JAKMIP1: variants seen among roughly 807,000 people sequenced by gnomAD.
JAKMIP1 encodes the protein janus kinase and microtubule interacting protein 1.
A neutral mutation model predicts 113.0 loss-of-function variants in JAKMIP1; 33 were observed. The observed-to-expected ratio is 0.29, with a 90% CI of 0.22 to 0.39. The LOEUF (loss-of-function observed/expected upper bound fraction) is 0.39. Ranked by LOEUF, JAKMIP1 falls within the 10% of genes least tolerant of loss-of-function variation. The pLI, the probability that JAKMIP1 is intolerant of heterozygous loss-of-function variation, is 1.00. For missense variants in JAKMIP1, 813 were observed against 1,080.5 expected (o/e 0.75, Z 3.47); for synonymous variants, 480 against 459.9 (o/e 1.04, Z -0.56).
intron 1 of JAKMIP1, among the ~76,000 whole-genome samples, chr4:6,171,454 C>T (rs1724702549): frequency 6.6e-6 from 1 of 152,170 alleles, no homozygotes; most frequent in Non-Finnish European, 1.5e-5. Context: ...TCACCATCAC[C>T]ACCACCATTA....
rs1722281113 is a variant in JAKMIP1 at position 6,156,758 on chromosome 4, T to C, written c.-148+43495A>G. The stretch of plus-strand genomic sequence containing the variant: ...AGTTCTGGGCTAGACCTTGGTTACA[T>C]CCCAGCTCCACTGTCCCCAGATGTC... On this transcript the variant is annotated intron_variant, in intron 1 of 20. Coordinates refer to ENST00000409021, the MANE Select transcript of JAKMIP1 (RefSeq NM_001099433.2). The surrounding 1 kb of genome is among the most constrained non-coding windows in gnomAD (Gnocchi z 5.0). Among the ~76,000 whole-genome samples the C allele has an allele frequency of 6.6e-6, 1 of 152,228 alleles. No homozygotes were observed. The highest frequency in any genetic ancestry group is 2.1e-4 in the South Asian group (1 of 4,830).
In JAKMIP1 at chr4:6,150,806, C is replaced by G. The variant is rs1007070809; in HGVS notation, c.-147-37809G>C. On this transcript the variant is annotated intron_variant, in intron 1 of 20. Coordinates refer to ENST00000409021, the MANE Select transcript of JAKMIP1 (RefSeq NM_001099433.2). The surrounding 1 kb of genome is among the most constrained non-coding windows in gnomAD (Gnocchi z 4.8). Reference sequence around the variant, plus strand: ...AAGAAGAAAACAGGCAAGAAATTTCCGCATCCCAGCTTCAAGCTCCTCCAC... The same window carrying G: ...AAGAAGAAAACAGGCAAGAAATTTCGGCATCCCAGCTTCAAGCTCCTCCAC... Among the ~76,000 whole-genome samples the G allele has an allele frequency of 6.6e-6, 1 of 152,154 alleles. No homozygotes were observed. The highest frequency in any genetic ancestry group is 1.5e-5 in the Non-Finnish European group (1 of 68,020).
intron 1 of JAKMIP1, among the ~76,000 whole-genome samples, chr4:6,124,131 C>A (rs540778300): frequency 7.9e-5 from 12 of 152,322 alleles, no homozygotes; most frequent in African/African-American, 2.9e-4. Context: ...CCTGGCCCGG[C>A]TGTGTTCTCT....
intron 1 of JAKMIP1, among the ~76,000 whole-genome samples, chr4:6,174,539 A>C (rs1725109601): frequency 6.6e-6 from 1 of 152,126 alleles, no homozygotes; most frequent in Admixed American, 6.5e-5. Flanking sequence ...CATGCACCAG[A>C]GCGAACCAGG....
intron 1 of JAKMIP1, among the ~76,000 whole-genome samples, chr4:6,177,312 T>C (rs888591740): frequency 6.6e-6 from 1 of 152,032 alleles, no homozygotes; most frequent in African/African-American, 2.4e-5. Context: ...CCAGGGAGGG[T>C]GGGGCTAATC....
chr4:6,116,658 T>C lies in JAKMIP1; in HGVS notation c.-147-3661A>G, dbSNP rs1245325311. The stretch of plus-strand genomic sequence containing the variant: ...GTCCCCTGTCCCAGCCTCCAAGTCG[T>C]TTGTCTGTGCCTTGGCAGTGCCGGT... On this transcript the variant is annotated intron_variant, in intron 1 of 20. Transcript: ENST00000409021. The surrounding 1 kb of genome is among the most constrained non-coding windows in gnomAD (Gnocchi z 5.1). Among the ~76,000 whole-genome samples the C allele has an allele frequency of 6.6e-6, 1 of 152,222 alleles. No individual in the cohort carries two copies. The highest frequency in any genetic ancestry group is 1.5e-5 in the Non-Finnish European group (1 of 68,038).
chr4:6,116,286 A>G lies in JAKMIP1; in HGVS notation c.-147-3289T>C, dbSNP rs1434644234. Among the ~76,000 whole-genome samples, 3 of 152,096 alleles carry G rather than the reference A, an allele frequency of 2.0e-5. No homozygotes were observed. Among genetic ancestry groups the G allele is most frequent in the Admixed American group, 1.3e-4 (2 of 15,260 alleles). On this transcript the variant is annotated intron_variant, in intron 1 of 20. Coordinates refer to ENST00000409021, the MANE Select transcript of JAKMIP1 (RefSeq NM_001099433.2). The surrounding 1 kb of genome is among the most constrained non-coding windows in gnomAD (Gnocchi z 5.1). ...GCCCAAAGGTCTCATCAGCAGGAGCAACAGCAGGGAACTCTCCTGCCTGAG... is the reference window on the plus strand; with the variant it reads ...GCCCAAAGGTCTCATCAGCAGGAGCGACAGCAGGGAACTCTCCTGCCTGAG...
intron 1 of JAKMIP1, among the ~76,000 whole-genome samples, chr4:6,164,338 A>G (rs916869823): frequency 1.7e-4 from 26 of 152,204 alleles, no homozygotes; most frequent in Non-Finnish European, 7.3e-5. Flanking sequence ...TGTCTGTAGC[A>G]TGGTTCACTG....
chr4:6,088,715 A>G lies in JAKMIP1; in HGVS notation c.625-3086T>C, dbSNP rs1721634246. On this transcript the variant is annotated intron_variant, in intron 3 of 20. Coordinates refer to ENST00000409021, the MANE Select transcript of JAKMIP1 (RefSeq NM_001099433.2). The surrounding 1 kb of genome is among the most constrained non-coding windows in gnomAD (Gnocchi z 5.5). ...CGTAGCAAGAGGCAGGCACACTCACAGTTCACTGACTTTACTCCTGGATCA... is the reference window on the plus strand; with the variant it reads ...CGTAGCAAGAGGCAGGCACACTCACGGTTCACTGACTTTACTCCTGGATCA... 6.6e-6 allele frequency among the ~76,000 whole-genome samples: 1 copy of G among 152,188 alleles called. No individual in the cohort carries two copies. The highest frequency in any genetic ancestry group is 2.4e-5 in the African/African-American group (1 of 41,454).
chr4:6,062,303 T>C lies in JAKMIP1; in HGVS notation c.1560+9A>G. On this transcript the variant is annotated intron_variant, in intron 10 of 20. Transcript: ENST00000409021. ...CCCTCCCTCGAGCCCTGAGGCTGGCTGCACTCACCCGGGCCTCCCTCTCAG... is the reference window on the plus strand; with the variant it reads ...CCCTCCCTCGAGCCCTGAGGCTGGCCGCACTCACCCGGGCCTCCCTCTCAG... 1 of 1,611,888 alleles carries C rather than the reference T, an allele frequency of 6.2e-7. No homozygotes were observed. The highest frequency in any genetic ancestry group is 8.5e-7 in the Non-Finnish European group (1 of 1,179,836).
intron 1 of JAKMIP1, among the ~76,000 whole-genome samples, chr4:6,190,195 C>T (rs1727094948): frequency 8.4e-6 from 1 of 119,354 alleles, no homozygotes; most frequent in Non-Finnish European, 1.8e-5. Context: ...GAATTGGGAG[C>T]AGGCCATGGG....
intron 1 of JAKMIP1, among the ~76,000 whole-genome samples, chr4:6,148,631 AG>A (rs1721170376): frequency 6.6e-6 from 1 of 152,360 alleles, no homozygotes; most frequent in Non-Finnish European, 1.5e-5. Flanking sequence ...ACAGGAGCAG[AG>A]GAAGAAGGGA....
Position 6,184,571 on chromosome 4 carries a change from G to C in JAKMIP1, c.-148+15682C>G, listed in dbSNP as rs1201159619. Among the ~76,000 whole-genome samples the C allele has an allele frequency of 2.0e-5, 3 of 152,314 alleles. 1 individual carries two copies. The highest frequency in any genetic ancestry group is 7.2e-5 in the African/African-American group (3 of 41,574). ...GCCAGTGTGGGATGGGTGCTATATG[G>C]ACGGGAAGAGCTGCTGTCTGCACTC... On this transcript the variant is annotated intron_variant, in intron 1 of 20. Transcript: ENST00000409021. This position sits in a 1 kb window ranked among gnomAD's most constrained non-coding sequence, Gnocchi z 4.5.
At chr4:6,131,162 C>T (rs865891249) in intron 1 of JAKMIP1, among the ~76,000 whole-genome samples, 6 of 18,104 alleles carry the variant, frequency 3.3e-4, no homozygotes, top group African/African-American at 1.4e-3. Flanking sequence ...ACCTTGCCTC[C>T]AAAAAAAAAA....
chr4:6,135,690 C>T lies in JAKMIP1; in HGVS notation c.-147-22693G>A, dbSNP rs1032626046. On this transcript the variant is annotated intron_variant, in intron 1 of 20. Transcript: ENST00000409021. The surrounding 1 kb of genome is among the most constrained non-coding windows in gnomAD (Gnocchi z 4.9). ...CCCCGCTGAGAAGTTGCTTCTTGCC[C>T]CATGTTACCTATGACAAACCAGAGG... Among the ~76,000 whole-genome samples, 11 of 152,280 alleles carry T rather than the reference C, an allele frequency of 7.2e-5. No individual in the cohort carries two copies. In the South Asian group the frequency reaches 2.3e-3, roughly 32 times the overall value.
Position 6,080,046 on chromosome 4 carries a change from G to A in JAKMIP1, c.1242+126C>T. 8.9e-7 allele frequency: 1 copy of A among 1,117,574 alleles called. No homozygotes were observed. The highest frequency in any genetic ancestry group is 1.2e-6 in the Non-Finnish European group (1 of 803,972). 69.2% of individuals were successfully genotyped at this position (1,117,574 alleles called of 1,614,324 possible). A position where few individuals can be genotyped will look rare whatever the true frequency, so the allele number is the denominator to read the frequency against. On this transcript the variant is annotated intron_variant, in intron 7 of 20. Coordinates refer to ENST00000409021, the MANE Select transcript of JAKMIP1 (RefSeq NM_001099433.2). This position sits in a 1 kb window ranked among gnomAD's most constrained non-coding sequence, Gnocchi z 6.0. The stretch of plus-strand genomic sequence containing the variant: ...CAGGGTGAGCTTGGTGAGTCCCAAA[G>A]TCAGCACTGCCTGACCCTGACCCAG...
intron 1 of JAKMIP1, among the ~76,000 whole-genome samples, chr4:6,123,319 G>A (rs1001942497): frequency 3.3e-5 from 5 of 152,194 alleles, no homozygotes; most frequent in African/African-American, 9.7e-5. Context: ...GGATTTTCAC[G>A]TAATCCTAGC....
rs75434137 is a variant in JAKMIP1 at position 6,136,897 on chromosome 4, G to T, written c.-147-23900C>A. Among the ~76,000 whole-genome samples the T allele has an allele frequency of 0.023, 3,523 of 152,250 alleles. 140 individuals are homozygous for T. The highest frequency in any genetic ancestry group is 0.08 in the African/African-American group (3,339 of 41,528). ...ACAGGCATTTAGACACAGTTGCGTT[G>T]AAGTTTGGCAAGCGCATGGGATTCC... On this transcript the variant is annotated intron_variant, in intron 1 of 20. Transcript: ENST00000409021. This position sits in a 1 kb window ranked among gnomAD's most constrained non-coding sequence, Gnocchi z 5.9.
rs1045113538 is a variant in JAKMIP1, at chr4:6,076,305, G to A, written c.1302+2634C>T. On this transcript the variant is annotated intron_variant, in intron 8 of 20. Transcript: ENST00000409021. The surrounding 1 kb of genome is among the most constrained non-coding windows in gnomAD (Gnocchi z 4.8). ...ATGTGCAGAAATTTGCCCCGTGTTCGACTTGGCTTGGTGGGAAAAGCTTGG... is the reference window on the plus strand; with the variant it reads ...ATGTGCAGAAATTTGCCCCGTGTTCAACTTGGCTTGGTGGGAAAAGCTTGG... 2.6e-5 allele frequency among the ~76,000 whole-genome samples: 4 copies of A among 152,042 alleles called. No individual in the cohort carries two copies. Among genetic ancestry groups the A allele is most frequent in the African/African-American group, 7.2e-5 (3 of 41,392 alleles).
Sources: allele counts gnomAD v4.1 joint callset (sites outside exome capture counted in the v4.1 genomes callset), GRCh38; gene constraint gnomAD v4.1.1; non-coding constraint Gnocchi (gnomAD v3.1); transcripts MANE v1.5; gene names NCBI Gene and HGNC (gene_info 2026-07-23, HGNC 2026-07-21).